USP42: variants seen among roughly 807,000 people sequenced by gnomAD.
The protein encoded by USP42 is ubiquitin specific peptidase 42.
In USP42, 23 loss-of-function variants were observed where a neutral mutation model predicts 113.0. That is an observed-to-expected ratio of 0.20 (90% CI 0.15 to 0.29). The LOEUF (loss-of-function observed/expected upper bound fraction) is 0.29. Ranked by LOEUF, USP42 falls within the 10% of genes least tolerant of loss-of-function variation. USP42 has a pLI of 1.00. For missense variants in USP42, 2,174 were observed against 1,779.8 expected (o/e 1.22, Z -3.99); for synonymous variants, 933 against 699.0 (o/e 1.33, Z -5.28).
At chr7:6,122,666 T>G (rs1780296068) in intron 3 of USP42, among the ~76,000 whole-genome samples, 1 of 151,882 alleles carries the variant, frequency 6.6e-6, no homozygotes, top group African/African-American at 2.4e-5. Flanking sequence ...AGATGGGGTT[T>G]CAACATGTTG....
At chr7:6,110,601 A>T (rs1779547678) in intron 1 of USP42, among the ~76,000 whole-genome samples, 1 of 152,170 alleles carries the variant, frequency 6.6e-6, no homozygotes, top group Admixed American at 6.5e-5. Context: ...CTATAATTAT[A>T]ATTTTAAAAA....
chr7:6,094,793 A>C, the USP42 span, among the ~76,000 whole-genome samples: 141 of 142,694 alleles, frequency 9.9e-4, 7 homozygotes, highest in African/African-American at 3.7e-3. Context: ...CAGGGCTTCC[A>C]CTTGTTCCAC....
chr7:6,083,597 C>CAT, the USP42 span, among the ~76,000 whole-genome samples: 1 of 150,160 alleles, frequency 6.7e-6, no homozygotes, highest in Non-Finnish European at 1.5e-5. Context: ...TATACACACA[C>CAT]ATATATATAC....
Position 6,159,587 on chromosome 7 carries a change from C to A in USP42, c.*36+94C>A. ...TTAATTCTGCGGCTCTGCCTGGGGG[C>A]TGGGCTCATAGGAGTTGGCAGAGCC... On this transcript the variant is annotated intron_variant, in intron 17 of 17. Coordinates refer to ENST00000306177, the MANE Select transcript of USP42 (RefSeq NM_032172.3). This position sits in a 1 kb window ranked among gnomAD's most constrained non-coding sequence, Gnocchi z 4.1. The A allele has an allele frequency of 1.5e-6, 2 of 1,335,766 alleles. No homozygotes were observed. Among genetic ancestry groups the A allele is most frequent in the Non-Finnish European group, 2.1e-6 (2 of 951,108 alleles). The allele number at this position is 1,335,766 out of a possible 1,614,324, so 82.7% of individuals were successfully genotyped here.
chr7:6,154,020 G>T lies in USP42; in HGVS notation c.2466G>T (p.Gly822=), dbSNP rs1341238681. Residue 822 remains glycine (G), a synonymous_variant, in exon 15 of 18, where the codon GGG becomes GGT. Transcript: ENST00000306177. The part of the protein sequence containing the change: ...DTAPPDLCDP[G]SLTGDASPLS... ...CACCCCCTGACCTGTGTGATCCCGG[G>T]AGCTTAACAGGCGATGCGAGCCCGT... 3.7e-6 allele frequency: 6 copies of T among 1,604,378 alleles called. No homozygotes were observed. The highest frequency in any genetic ancestry group is 5.1e-6 in the Non-Finnish European group (6 of 1,179,178).
intron 3 of USP42, among the ~76,000 whole-genome samples, chr7:6,129,515 C>G (rs557541120): frequency 2.8e-5 from 4 of 143,466 alleles, no homozygotes; most frequent in Non-Finnish European, 6.0e-5. Flanking sequence ...CAAGATTGTG[C>G]TACTGCACTC....
chr7:6,157,451 C>CA lies in USP42; in HGVS notation c.3943+397dup. 1 of 913,522 alleles carries CA rather than the reference C, an allele frequency of 1.1e-6. No individual in the cohort carries two copies. Among genetic ancestry groups the CA allele is most frequent in the Non-Finnish European group, 1.3e-6 (1 of 764,578 alleles). 56.6% of individuals were successfully genotyped at this position (913,522 alleles called of 1,614,324 possible). On this transcript the variant is annotated intron_variant, in intron 16 of 17. Coordinates refer to ENST00000306177, the MANE Select transcript of USP42 (RefSeq NM_032172.3). This position sits in a 1 kb window ranked among gnomAD's most constrained non-coding sequence, Gnocchi z 4.1. The stretch of plus-strand genomic sequence containing the variant: ...TTGCTCTATTGCCCAGGCTGGAGTG[C>CA]AGTGGCGGCGATCTCAGCTCACTGC...
rs1782518001 is a variant in USP42 at position 6,157,429 on chromosome 7, C to T, written c.3943+374C>T. ...TTTTATTTTTTGAGACGGAGTCTTG[C>T]TCTATTGCCCAGGCTGGAGTGCAGT... On this transcript the variant is annotated intron_variant, in intron 16 of 17. Transcript: ENST00000306177. The surrounding 1 kb of genome is among the most constrained non-coding windows in gnomAD (Gnocchi z 4.1). The T allele has an allele frequency of 1.0e-6, 1 of 960,906 alleles. No homozygotes were observed. The highest frequency in any genetic ancestry group is 4.8e-5 in the South Asian group (1 of 20,766). The allele number at this position is 960,906 out of a possible 1,614,324, so 59.5% of individuals were successfully genotyped here.
Position 6,154,192 on chromosome 7 carries a change from G to C in USP42, c.2638G>C (p.Ala880Pro), listed in dbSNP as rs201567953. The change falls in exon 15 of 18, where the codon GCC (alanine) becomes CCC (proline). Residue 880 changes from alanine to proline, a missense_variant. Ala to Pro is a conservative substitution (Grantham distance 27). Coordinates refer to ENST00000306177, the MANE Select transcript of USP42 (RefSeq NM_032172.3). ...PLLVHPSGDH[A>P]RDAQDPSQSL... is the part of the protein sequence containing the mutation. ...CCTTGTTCACCCCAGCGGGGACCACGCCCGGGACGCTCAGGACCCATCCCA... is the reference window on the plus strand; with the variant it reads ...CCTTGTTCACCCCAGCGGGGACCACCCCCGGGACGCTCAGGACCCATCCCA... 235 of 1,601,342 alleles carry C rather than the reference G, an allele frequency of 1.5e-4. 2 individuals carry two copies. The highest frequency in any genetic ancestry group is 6.6e-4 in the Middle Eastern group (4 of 6,048).
At chr7:6,144,449 G>A (rs139448303) in intron 9 of USP42, among the ~76,000 whole-genome samples, 2,010 of 152,136 alleles carry the variant, frequency 0.013, 26 homozygotes, top group Middle Eastern at 0.061. Context: ...ATTTTGTCTT[G>A]TTTGTTTGTT....
intron 3 of USP42, among the ~76,000 whole-genome samples, chr7:6,121,436 A>G (rs1450890187): frequency 3.3e-5 from 5 of 151,908 alleles, no homozygotes; most frequent in Non-Finnish European, 5.9e-5. Flanking sequence ...CTTCGTAAGT[A>G]TTATTAGCCT....
At chr7:6,102,403 C>T (rs942889645), upstream of USP42, among the ~76,000 whole-genome samples, 2 of 150,246 alleles carry the variant, frequency 1.3e-5, no homozygotes, top group Admixed American at 1.3e-4. Flanking sequence ...TGAGCCACCA[C>T]GCCCAGATTC....
At chr7:6,146,063 A>G (rs1389103858) in intron 10 of USP42, 85 bp from the exon 11 acceptor site, 1 of 1,137,524 alleles carries the variant, frequency 8.8e-7, no homozygotes, top group Non-Finnish European at 1.3e-6. Flanking sequence ...CTCCATCTCA[A>G]AAAAAAAGAA....
At chr7:6,150,762 T>C (rs1195945825) in intron 14 of USP42, among the ~76,000 whole-genome samples, 1 of 152,202 alleles carries the variant, frequency 6.6e-6, no homozygotes, top group Non-Finnish European at 1.5e-5. Flanking sequence ...GCCACCTCTC[T>C]CTGGTTAGCG....
chr7:6,089,054 T>C, the USP42 span, among the ~76,000 whole-genome samples: 9 of 150,578 alleles, frequency 6.0e-5, no homozygotes, highest in East Asian at 1.7e-3. Flanking sequence ...TATTTATATT[T>C]ATCTTTTTGA....
intron 3 of USP42, 135 bp downstream of exon 3, chr7:6,115,658 A>G (rs1384884268): frequency 9.2e-7 from 1 of 1,086,462 alleles, no homozygotes; most frequent in African/African-American, 1.6e-5. Flanking sequence ...TTAGAAACCA[A>G]GGAGGAGGAC....
chr7:6,127,096 C>T (rs1428305257), intron 3 of USP42, among the ~76,000 whole-genome samples: 1 of 152,184 alleles, frequency 6.6e-6, no homozygotes, highest in Non-Finnish European at 1.5e-5. Context: ...TATTGAACAT[C>T]TTTTCATGTG....
chr7:6,152,115 G>A (rs542884952), intron 14 of USP42, among the ~76,000 whole-genome samples: 64 of 152,370 alleles, frequency 4.2e-4, no homozygotes, highest in South Asian at 3.1e-3. Context: ...GTCATGCAGC[G>A]TCAGTGGCTT....
rs564642842 is a variant in USP42, at chr7:6,158,166, C to T, written c.3943+1111C>T. Among the ~76,000 whole-genome samples, 3 of 152,356 alleles carry T rather than the reference C, an allele frequency of 2.0e-5. No individual in the cohort carries two copies. Among genetic ancestry groups the T allele is most frequent in the Admixed American group, 6.5e-5 (1 of 15,300 alleles). Reference sequence around the variant, plus strand: ...CATGAAAATGATGTGAAATTCAGACCTCAGTGTCTGTGGCTTGATTGGGGC... The same window carrying T: ...CATGAAAATGATGTGAAATTCAGACTTCAGTGTCTGTGGCTTGATTGGGGC... On this transcript the variant is annotated intron_variant, in intron 16 of 17. Coordinates refer to ENST00000306177, the MANE Select transcript of USP42 (RefSeq NM_032172.3). This position sits in a 1 kb window ranked among gnomAD's most constrained non-coding sequence, Gnocchi z 4.2.
Sources: allele counts gnomAD v4.1 joint callset (sites outside exome capture counted in the v4.1 genomes callset), GRCh38; gene constraint gnomAD v4.1.1; non-coding constraint Gnocchi (gnomAD v3.1); transcripts MANE v1.5; gene names NCBI Gene and HGNC (gene_info 2026-07-23, HGNC 2026-07-21).